MOK: variants seen among roughly 807,000 people sequenced by gnomAD.
MOK encodes the protein MOK protein kinase.
MOK carries 59 observed loss-of-function variants against 54.2 expected under a neutral mutation model. The ratio of observed to expected loss-of-function variants is 1.09; its 90% CI spans 0.88 to 1.35. MOK has a LOEUF of 1.35. Among genes scored for constraint, MOK ranks in the 40% most tolerant of loss-of-function variants. MOK has a pLI of 0.00. For synonymous variants in MOK, 210 were observed against 202.7 expected, an observed-to-expected ratio of 1.04 and a Z score of -0.31; for missense variants, 517 against 526.2, an observed-to-expected ratio of 0.98 and a Z score of 0.17.
chr14:102,293,701 C>CAAAAAAAAAAAAACAAAAAAA (rs2071034901), intron 1 of MOK, among the ~76,000 whole-genome samples: 1 of 54,598 alleles, frequency 1.8e-5, no homozygotes, highest in Non-Finnish European at 3.6e-5. Flanking sequence ...AACTCCATCA[C>CAAAAAAAAAAAAACAAAAAAA]AAAAAAAAAA....
intron 2 of MOK, chr14:102,278,753 T>A (rs2069123262): frequency 2.2e-6 from 1 of 455,954 alleles, no homozygotes; most frequent in Admixed American, 2.4e-5. Flanking sequence ...CAATGACACA[T>A]GCATATAATT....
chr14:102,294,936 T>C (rs1210220644), intron 1 of MOK, among the ~76,000 whole-genome samples: 1 of 152,162 alleles, frequency 6.6e-6, no homozygotes, highest in African/African-American at 2.4e-5. Context: ...GTTTCCCTCA[T>C]GGCTCTTCTA....
intron 4 of MOK, among the ~76,000 whole-genome samples, chr14:102,256,809 C>A (rs1236460996): frequency 1.3e-5 from 2 of 151,992 alleles, no homozygotes; most frequent in African/African-American, 4.8e-5. Flanking sequence ...GGAAACTAAA[C>A]CTCCTTTACG....
chr14:102,223,182 AC>A (rs2064109951), downstream of MOK: 2 of 170,204 alleles, frequency 1.2e-5, no homozygotes, highest in South Asian at 3.7e-4. Context: ...TATAATATAT[AC>A]ATATATACAT....
At chr14:102,261,421 A>ATG (rs1466291064) in intron 4 of MOK, among the ~76,000 whole-genome samples, 2 of 25,554 alleles carry the variant, frequency 7.8e-5, no homozygotes, top group African/African-American at 2.6e-4. Flanking sequence ...AAAAAAAAAT[A>ATG]TATATATATA....
intron 1 of MOK, among the ~76,000 whole-genome samples, chr14:102,290,149 A>AC: frequency 2.0e-5 from 3 of 151,454 alleles, no homozygotes; most frequent in African/African-American, 7.3e-5. Context: ...TAGAGAAAAA[A>AC]AAAAAAAAGA....
intron 7 of MOK, among the ~76,000 whole-genome samples, chr14:102,244,578 C>T (rs551372446): frequency 3.3e-5 from 5 of 152,256 alleles, no homozygotes; most frequent in Admixed American, 2.0e-4. Flanking sequence ...ACATCAAGCT[C>T]GGGGATTTGC....
At chr14:102,229,935 G>T (rs983100516) in intron 10 of MOK, 1 of 409,582 alleles carries the variant, frequency 2.4e-6, no homozygotes, top group African/African-American at 2.0e-5. Flanking sequence ...TGGTGCCCAC[G>T]CCTCCTGCCT....
chr14:102,263,692 T>C, intron 3 of MOK, 76 bp from the exon 4 acceptor site: 2 of 1,011,138 alleles, frequency 2.0e-6, no homozygotes, highest in East Asian at 2.6e-5. Flanking sequence ...TTAATTCATT[T>C]GTAAACATTT....
chr14:102,243,670 C>G (rs2065884124), intron 7 of MOK, among the ~76,000 whole-genome samples: 1 of 152,192 alleles, frequency 6.6e-6, no homozygotes, highest in Non-Finnish European at 1.5e-5. Flanking sequence ...GTGTTCCTGG[C>G]CCAGACTTCA....
chr14:102,229,691 A>C, intron 10 of MOK, 34 bp from the exon 11 acceptor site: 1 of 1,541,468 alleles, frequency 6.5e-7, no homozygotes. Flanking sequence ...TGGACATAAA[A>C]CGCTTTCTGC....
At chr14:102,251,575 T>C in intron 6 of MOK, 181 bp downstream of exon 6, 3 of 672,862 alleles carry the variant, frequency 4.5e-6, no homozygotes, top group Non-Finnish European at 5.5e-6. Flanking sequence ...GTCAGTTATG[T>C]TGATGGCATT....
intron 4 of MOK, among the ~76,000 whole-genome samples, chr14:102,263,032 G>T (rs2067600739): frequency 6.6e-6 from 1 of 152,190 alleles, no homozygotes; most frequent in Non-Finnish European, 1.5e-5. Context: ...CCTGACTGAG[G>T]TCACCTCAGG....
intron 4 of MOK, among the ~76,000 whole-genome samples, chr14:102,259,146 T>A (rs2067198061): frequency 6.6e-6 from 1 of 152,198 alleles, no homozygotes; most frequent in Admixed American, 6.5e-5. Context: ...ATCTTCCCAG[T>A]TCTTGCCAGA....
At position 102,233,853 on chromosome 14, in the gene MOK, C is replaced by T. The variant is rs568541828; in HGVS notation, c.591-64G>A. On this transcript the variant is annotated intron_variant, in intron 7 of 11. Transcript: ENST00000361847. ...CAGAGCCAACAGACCTCACCAATTA[C>T]AAACCATCTGGACCGCACAAGGGGA... The T allele has an allele frequency of 4.8e-6, 6 of 1,245,530 alleles. No individual in the cohort carries two copies. In the South Asian group the frequency reaches 6.1e-5, roughly 13 times the overall value. The allele number at this position is 1,245,530 out of a possible 1,614,324, so 77.2% of individuals were successfully genotyped here.
intron 1 of MOK, among the ~76,000 whole-genome samples, chr14:102,288,082 C>T (rs1260977031): frequency 6.6e-6 from 1 of 150,660 alleles, no homozygotes; most frequent in African/African-American, 2.5e-5. Flanking sequence ...GATCCACCCG[C>T]CTCGGCCTCC....
chr14:102,297,492 C>T (rs879663107), intron 1 of MOK, among the ~76,000 whole-genome samples: 2 of 152,246 alleles, frequency 1.3e-5, no homozygotes, highest in East Asian at 1.9e-4. Context: ...GAGGTGATAG[C>T]GTGCTGGCAG....
At chr14:102,287,820 A>ATTTT (rs71116893) in intron 1 of MOK, among the ~76,000 whole-genome samples, 4 of 117,924 alleles carry the variant, frequency 3.4e-5, no homozygotes, top group African/African-American at 7.0e-5. Flanking sequence ...GTTCTTTGAG[A>ATTTT]TTTTTTTTTT....
At position 102,251,007 on chromosome 14, in the gene MOK, G is replaced by A. The variant is rs1567170318; in HGVS notation, c.412-17C>T. 9.9e-6 allele frequency: 16 copies of A among 1,612,840 alleles called. No homozygotes were observed. Among genetic ancestry groups the A allele is most frequent in the Non-Finnish European group, 1.4e-5 (16 of 1,179,426 alleles). ...GACATCCTGCTGGAAGGGGAAAGAA[G>A]CAAGGACAAGTAACATCCCATTATG... On this transcript the variant is annotated splice_polypyrimidine_tract_variant and intron_variant, in intron 6 of 11. Transcript: ENST00000361847.
Sources: gnomAD v4.1 joint callset for allele counts (sites outside exome capture counted in the v4.1 genomes callset) on GRCh38, gnomAD v4.1.1 for gene constraint, MANE v1.5 for transcripts, NCBI Gene and HGNC (gene_info 2026-07-23, HGNC 2026-07-21) for gene names.